The following TASP1 variants were observed in gnomAD, a reference collection of about 807,000 sequenced individuals.
The protein encoded by TASP1 is taspase 1.
A neutral mutation model predicts 56.6 loss-of-function variants in TASP1; 16 were observed. The ratio of observed to expected loss-of-function variants is 0.28; its 90% CI spans 0.19 to 0.43. The LOEUF (loss-of-function observed/expected upper bound fraction) is 0.43, where lower values mean the gene tolerates loss of function less well. TASP1 is among the 20% of genes least tolerant of loss of function. The probability of loss-of-function intolerance (pLI) is 1.00; values close to 1 mark genes in which losing one functional copy is unlikely to be tolerated. For synonymous variants in TASP1, 179 were observed against 184.2 expected, an observed-to-expected ratio of 0.97 and a Z score of 0.23; for missense variants, 393 against 511.6, an observed-to-expected ratio of 0.77 and a Z score of 2.24.
chr20:13,130,650 G>A, the TASP1 span, among the ~76,000 whole-genome samples: 5 of 152,182 alleles, frequency 3.3e-5, no homozygotes, highest in Non-Finnish European at 5.9e-5. Context: ...GCTGCAGGCC[G>A]TGCATGCATT....
intron 4 of TASP1, among the ~76,000 whole-genome samples, chr20:13,608,907 G>A (rs1266970330): frequency 1.3e-5 from 2 of 152,336 alleles, no homozygotes; most frequent in South Asian, 2.1e-4. Context: ...CAGTAAACAC[G>A]AGAGTGAAAA....
At chr20:13,223,592 TAC>T in the TASP1 span, among the ~76,000 whole-genome samples, 1 of 152,192 alleles carries the variant, frequency 6.6e-6, no homozygotes, top group South Asian at 2.1e-4. Flanking sequence ...AGTAGAAAAG[TAC>T]ACACCCCAAA....
chr20:13,360,310 C>T, the TASP1 span, among the ~76,000 whole-genome samples: 3 of 149,490 alleles, frequency 2.0e-5, no homozygotes, highest in South Asian at 2.1e-4. Context: ...GCTGTACTGC[C>T]GCAAAGCTTC....
At chr20:13,324,634 A>G in the TASP1 span, among the ~76,000 whole-genome samples, 4 of 152,198 alleles carry the variant, frequency 2.6e-5, no homozygotes, top group Non-Finnish European at 5.9e-5. Context: ...GAATGGGTAG[A>G]AAGGGCTAGA....
chr20:13,369,424 C>T, the TASP1 span, among the ~76,000 whole-genome samples: 19 of 152,174 alleles, frequency 1.2e-4, no homozygotes, highest in African/African-American at 4.6e-4. Flanking sequence ...CCAGCCCATA[C>T]AACAGAGCAA....
the TASP1 span, among the ~76,000 whole-genome samples, chr20:13,361,974 C>T: frequency 2.0e-5 from 3 of 151,506 alleles, no homozygotes; most frequent in African/African-American, 7.3e-5. Context: ...CTCAATTCAT[C>T]CAAAACCGTA....
chr20:13,387,183 C>CTTTTTTT (rs1568732036), downstream of TASP1, among the ~76,000 whole-genome samples: 4 of 94,960 alleles, frequency 4.2e-5, no homozygotes, highest in African/African-American at 2.0e-4. Context: ...GACATGATTT[C>CTTTTTTT]ATTTTTTTTT....
the TASP1 span, among the ~76,000 whole-genome samples, chr20:13,280,189 AGTTTT>A: frequency 6.6e-6 from 1 of 150,666 alleles, no homozygotes; most frequent in Non-Finnish European, 1.5e-5. Context: ...CTCAAATTTC[AGTTTT>A]ATTTCTAAAA....
chr20:13,279,774 C>G, the TASP1 span: 1 of 1,614,016 alleles, frequency 6.2e-7, no homozygotes, highest in South Asian at 1.1e-5. Context: ...GGGCAAACAG[C>G]GGGGACCAGG....
the TASP1 span, among the ~76,000 whole-genome samples, chr20:13,330,070 C>T: frequency 6.6e-6 from 1 of 152,072 alleles, no homozygotes; most frequent in Non-Finnish European, 1.5e-5. Context: ...AATTCTCCTG[C>T]CTCAGCCTCC....
chr20:13,134,018 C>T, the TASP1 span, among the ~76,000 whole-genome samples: 32 of 152,290 alleles, frequency 2.1e-4, no homozygotes, highest in East Asian at 4.1e-3. Context: ...AGGTTGGCCA[C>T]GCTCAAACTG....
the TASP1 span, among the ~76,000 whole-genome samples, chr20:13,365,498 G>C: frequency 2.0e-5 from 3 of 152,196 alleles, no homozygotes; most frequent in African/African-American, 7.2e-5. Context: ...GTCATCAAAG[G>C]CCTGTCTGAG....
intron 13 of TASP1, chr20:13,393,546 A>G: frequency 2.5e-6 from 2 of 812,656 alleles, no homozygotes; most frequent in Non-Finnish European, 4.3e-6. Flanking sequence ...CCACTCTTCC[A>G]TCTTCCATGC....
intron 8 of TASP1, among the ~76,000 whole-genome samples, chr20:13,544,537 C>T (rs2045737999): frequency 6.9e-6 from 1 of 143,980 alleles, no homozygotes; most frequent in South Asian, 2.1e-4. Flanking sequence ...AAGACAGAAA[C>T]AACACAACAT....
chr20:13,546,948 G>A (rs577550770), intron 8 of TASP1, among the ~76,000 whole-genome samples: 101 of 152,174 alleles, frequency 6.6e-4, no homozygotes, highest in Middle Eastern at 3.4e-3. Context: ...TTAGTTTTTA[G>A]ACTAATGCAT....
At chr20:13,160,816 A>G in the TASP1 span, among the ~76,000 whole-genome samples, 16 of 152,232 alleles carry the variant, frequency 1.1e-4, no homozygotes, top group Non-Finnish European at 2.2e-4. Flanking sequence ...GAATGAATGA[A>G]TCTTGAAGAA....
the TASP1 span, among the ~76,000 whole-genome samples, chr20:13,158,792 G>A: frequency 6.6e-6 from 1 of 152,162 alleles, no homozygotes; most frequent in African/African-American, 2.4e-5. Context: ...GATAACCTAT[G>A]TTCTATCTGA....
At chr20:13,475,323 G>C (rs1420868522) in intron 11 of TASP1, among the ~76,000 whole-genome samples, 3 of 152,132 alleles carry the variant, frequency 2.0e-5, no homozygotes, top group Admixed American at 1.3e-4. Flanking sequence ...GGGTACAGTT[G>C]CAAGGCATCC....
chr20:13,198,703 A>G, the TASP1 span, among the ~76,000 whole-genome samples: 1 of 151,454 alleles, frequency 6.6e-6, no homozygotes. Context: ...TTGTTTTTCT[A>G]CCTCATGTCT....
Sources: allele counts gnomAD v4.1 joint callset (sites outside exome capture counted in the v4.1 genomes callset), GRCh38; gene constraint gnomAD v4.1.1; transcripts MANE v1.5; gene names NCBI Gene and HGNC (gene_info 2026-07-23, HGNC 2026-07-21).